RNF149: variants seen among roughly 807,000 people sequenced by gnomAD.
RNF149 encodes the protein ring finger protein 149.
A neutral mutation model predicts 39.0 loss-of-function variants in RNF149; 21 were observed. That is an observed-to-expected ratio of 0.54 (90% CI 0.38 to 0.77). The LOEUF is 0.77. RNF149 is among the 30% of genes least tolerant of loss of function. The pLI is 0.00. For missense variants in RNF149, 493 were observed against 534.9 expected (o/e 0.92, Z 0.77); for synonymous variants, 209 against 213.6 (o/e 0.98, Z 0.19).
In RNF149 at chr2:101,286,189, AAGT is replaced by A; in HGVS notation, c.864-15_864-13del. On this transcript the variant is annotated splice_polypyrimidine_tract_variant and intron_variant, in intron 4 of 6. Transcript: ENST00000295317. ...TATGAAAAATATGCCTAAAAAGATT[AAGT>A]ATGTGTTAATGTTTTTAAAATCAAT... 6.8e-7 allele frequency: 1 copy of A among 1,467,504 alleles called. No individual in the cohort carries two copies. Among genetic ancestry groups the A allele is most frequent in the Non-Finnish European group, 9.5e-7 (1 of 1,048,776 alleles). 90.9% of individuals were successfully genotyped at this position (1,467,504 alleles called of 1,614,324 possible).
chr2:101,296,697 G>A (rs914284262), intron 1 of RNF149, among the ~76,000 whole-genome samples: 2 of 151,858 alleles, frequency 1.3e-5, no homozygotes, highest in African/African-American at 2.4e-5. Flanking sequence ...CACAACTTAC[G>A]CCAAAATAAA....
intron 3 of RNF149, 28 bp downstream of exon 3, chr2:101,293,981 CACAAA>C (rs771702696): frequency 9.8e-6 from 13 of 1,330,258 alleles, no homozygotes; most frequent in South Asian, 1.2e-5. Context: ...TACTCTAAAC[CACAAA>C]ACAAAAGAAA....
At chr2:101,292,383 T>C (rs1351506982) in intron 3 of RNF149, among the ~76,000 whole-genome samples, 1 of 152,214 alleles carries the variant, frequency 6.6e-6, no homozygotes, top group Non-Finnish European at 1.5e-5. Flanking sequence ...GTGTTCTGTA[T>C]GGGAAGAGGA....
chr2:101,295,900 C>T (rs908528653), intron 1 of RNF149, among the ~76,000 whole-genome samples: 2 of 152,046 alleles, frequency 1.3e-5, no homozygotes, highest in Non-Finnish European at 2.9e-5. Context: ...CACCTGTAAT[C>T]CCAGCACTTT....
intron 1 of RNF149, among the ~76,000 whole-genome samples, chr2:101,303,770 C>G (rs1316323421): frequency 6.6e-6 from 1 of 151,700 alleles, no homozygotes; most frequent in Non-Finnish European, 1.5e-5. Flanking sequence ...TCAGGGATTT[C>G]TTTTTTAATT....
intron 1 of RNF149, among the ~76,000 whole-genome samples, chr2:101,303,243 G>A (rs1683522631): frequency 1.3e-5 from 2 of 151,412 alleles, no homozygotes; most frequent in African/African-American, 2.4e-5. Flanking sequence ...AGCCTCCCGA[G>A]TAGCTGAGAC....
At chr2:101,303,081 T>C (rs527713366) in intron 1 of RNF149, among the ~76,000 whole-genome samples, 1 of 152,174 alleles carries the variant, frequency 6.6e-6, no homozygotes, top group East Asian at 1.9e-4. Flanking sequence ...TGTGAGGCTA[T>C]GAGGTGCCAT....
chr2:101,282,867 C>A (rs1004655094), intron 5 of RNF149, among the ~76,000 whole-genome samples: 1 of 152,074 alleles, frequency 6.6e-6, no homozygotes, highest in African/African-American at 2.4e-5. Flanking sequence ...CCTGCTCCAC[C>A]TGTGTTCTAG....
intron 6 of RNF149, among the ~76,000 whole-genome samples, chr2:101,280,840 T>C: frequency 6.6e-6 from 1 of 152,148 alleles, no homozygotes; most frequent in East Asian, 1.9e-4. Flanking sequence ...GCAATGAGTC[T>C]AGACAACATG....
chr2:101,306,752 T>C (rs1374745596), intron 1 of RNF149, among the ~76,000 whole-genome samples: 1 of 152,220 alleles, frequency 6.6e-6, no homozygotes, highest in Non-Finnish European at 1.5e-5. Context: ...CTAACAGTCC[T>C]TACTTCTTCT....
At chr2:101,275,094 C>G (rs949357094), downstream of RNF149, among the ~76,000 whole-genome samples, 13 of 148,772 alleles carry the variant, frequency 8.7e-5, no homozygotes, top group African/African-American at 3.2e-4. Flanking sequence ...CACGCCTGGC[C>G]CTTCCCTAGT....
chr2:101,271,270 G>C (rs1682120854), downstream of RNF149: 1 of 152,152 alleles, frequency 6.6e-6, no homozygotes, highest in African/African-American at 2.4e-5. Flanking sequence ...AGGAATAGTG[G>C]TTATATTTAT....
At chr2:101,299,807 G>A (rs1683382476) in intron 1 of RNF149, among the ~76,000 whole-genome samples, 1 of 152,186 alleles carries the variant, frequency 6.6e-6, no homozygotes. Context: ...TCATTCTACA[G>A]CTGAGTGTTC....
intron 6 of RNF149, 199 bp downstream of exon 6, chr2:101,281,660 C>G: frequency 1.7e-6 from 1 of 591,142 alleles, no homozygotes. Context: ...GCCACCATAC[C>G]TGGCTAATCT....
chr2:101,292,264 C>T (rs1683041675), intron 3 of RNF149, among the ~76,000 whole-genome samples: 1 of 152,088 alleles, frequency 6.6e-6, no homozygotes, highest in Admixed American at 6.6e-5. Context: ...ATTTAGAAAT[C>T]TTCTTAAAAA....
At chr2:101,302,994 A>C (rs1198927023) in intron 1 of RNF149, among the ~76,000 whole-genome samples, 2 of 151,862 alleles carry the variant, frequency 1.3e-5, no homozygotes, top group Non-Finnish European at 2.9e-5. Context: ...AAAAAAAAAA[A>C]AAACAAAAAC....
chr2:101,290,733 T>C (rs1310236804), intron 3 of RNF149, among the ~76,000 whole-genome samples: 1 of 152,242 alleles, frequency 6.6e-6, no homozygotes, highest in Non-Finnish European at 1.5e-5. Context: ...CCATTTTTCA[T>C]CTAACTACTT....
At chr2:101,287,427 A>G (rs927951604) in intron 4 of RNF149, among the ~76,000 whole-genome samples, 2 of 152,222 alleles carry the variant, frequency 1.3e-5, no homozygotes, top group Admixed American at 6.5e-5. Flanking sequence ...AGCACAGGAG[A>G]AAATAAGGGA....
At chr2:101,299,937 C>A (rs916482011) in intron 1 of RNF149, among the ~76,000 whole-genome samples, 1 of 152,226 alleles carries the variant, frequency 6.6e-6, no homozygotes, top group Non-Finnish European at 1.5e-5. Flanking sequence ...TCACAGGCTT[C>A]ACAGCCAGAC....
Sources: gnomAD v4.1 joint callset for allele counts (sites outside exome capture counted in the v4.1 genomes callset) on GRCh38, gnomAD v4.1.1 for gene constraint, MANE v1.5 for transcripts, NCBI Gene and HGNC (gene_info 2026-07-23, HGNC 2026-07-21) for gene names.